CCM2: variants seen among roughly 807,000 people sequenced by gnomAD.
CCM2 encodes the protein CCM2 scaffold protein, also known as cerebral cavernous malformations 2 protein.
Under a neutral mutation model 44.9 loss-of-function variants are expected in CCM2, and 25 were observed. That is an observed-to-expected ratio of 0.56 (90% CI 0.41 to 0.78). CCM2 has a LOEUF of 0.78. Ranked by LOEUF, CCM2 falls within the 30% of genes least tolerant of loss-of-function variation. The probability of loss-of-function intolerance (pLI) is 0.00; values close to 1 mark genes in which losing one functional copy is unlikely to be tolerated. For missense variants in CCM2, 481 were observed against 580.6 expected (o/e 0.83, Z 1.76); for synonymous variants, 219 against 241.1 (o/e 0.91, Z 0.85).
At chr7:45,064,130 GC>G in intron 3 of CCM2, 129 bp downstream of exon 3, 1 of 686,634 alleles carries the variant, frequency 1.5e-6, no homozygotes, top group Non-Finnish European at 2.6e-6. Flanking sequence ...TTGGCTCTTG[GC>G]CATAAAGACT....
chr7:45,075,274 T>A (rs182449606), intron 9 of CCM2, among the ~76,000 whole-genome samples: 2 of 152,392 alleles, frequency 1.3e-5, no homozygotes, highest in Non-Finnish European at 2.9e-5. Context: ...CACACTAGGC[T>A]TCCCAAATAA....
chr7:45,025,963 C>G (rs1375359441), intron 1 of CCM2, among the ~76,000 whole-genome samples: 3 of 152,216 alleles, frequency 2.0e-5, no homozygotes, highest in Non-Finnish European at 4.4e-5. Context: ...GCTTTTCTCT[C>G]TCATGCTGAC....
intron 2 of CCM2, among the ~76,000 whole-genome samples, chr7:45,044,346 C>G (rs1044011294): frequency 5.9e-5 from 9 of 152,170 alleles, no homozygotes; most frequent in Non-Finnish European, 1.3e-4. Flanking sequence ...CCGTGTTGGT[C>G]AGGATGGTCT....
At chr7:45,061,826 A>G (rs1258381838) in intron 2 of CCM2, among the ~76,000 whole-genome samples, 1 of 152,074 alleles carries the variant, frequency 6.6e-6, no homozygotes, top group Admixed American at 6.5e-5. Flanking sequence ...TCCTCCTACC[A>G]GAGTATGAGG....
At chr7:45,056,333 G>C (rs978054815) in intron 2 of CCM2, among the ~76,000 whole-genome samples, 2 of 152,022 alleles carry the variant, frequency 1.3e-5, no homozygotes, top group Admixed American at 1.3e-4. Context: ...CCATATCTTT[G>C]CCAACAATTG....
chr7:45,051,470 T>C (rs1798003716), intron 2 of CCM2, among the ~76,000 whole-genome samples: 1 of 152,308 alleles, frequency 6.6e-6, no homozygotes, highest in East Asian at 1.9e-4. Flanking sequence ...TGGTCTTGGC[T>C]CACTGCAAGC....
At chr7:45,050,255 G>A (rs1002242898) in intron 2 of CCM2, among the ~76,000 whole-genome samples, 5 of 148,410 alleles carry the variant, frequency 3.4e-5, no homozygotes, top group Non-Finnish European at 7.6e-5. Context: ...GGTGTGTAGT[G>A]GGCTATAATG....
intron 1 of CCM2, among the ~76,000 whole-genome samples, chr7:45,010,306 C>G (rs569498045): frequency 1.3e-5 from 2 of 152,168 alleles, no homozygotes; most frequent in Non-Finnish European, 2.9e-5. Flanking sequence ...ATATTACCTA[C>G]CATCACTGAG....
At chr7:45,027,720 C>A (rs376876775) in intron 1 of CCM2, 2 of 1,613,884 alleles carry the variant, frequency 1.2e-6, no homozygotes, top group Non-Finnish European at 1.7e-6. Flanking sequence ...TAGTAGCTGT[C>A]GGCAGAGGAG....
chr7:45,067,410 G>A (rs1798836005), intron 4 of CCM2, among the ~76,000 whole-genome samples: 1 of 148,840 alleles, frequency 6.7e-6, no homozygotes, highest in Non-Finnish European at 1.5e-5. Flanking sequence ...TGATCCACCC[G>A]CCTTGGCCTC....
At chr7:45,033,480 A>G (rs1163525649) in intron 1 of CCM2, among the ~76,000 whole-genome samples, 4 of 152,202 alleles carry the variant, frequency 2.6e-5, no homozygotes, top group Non-Finnish European at 4.4e-5. Context: ...GCTAACAGGC[A>G]GCTTTCAGAA....
rs567898694 is a variant in CCM2, at chr7:45,036,193, G to A, written c.31-2060G>A. On this transcript the variant is annotated intron_variant, in intron 1 of 9. Coordinates refer to ENST00000258781, the MANE Select transcript of CCM2 (RefSeq NM_031443.4). ...ACACAGGGGACAGAGTGACAGAGGC[G>A]TGGTGGCAGCGTTAGTGCACTTCTC... Among the ~76,000 whole-genome samples, 127 of 152,292 alleles carry A rather than the reference G, an allele frequency of 8.3e-4. 1 individual carries two copies. The highest frequency in any genetic ancestry group is 2.8e-3 in the African/African-American group (118 of 41,558).
intron 2 of CCM2, among the ~76,000 whole-genome samples, chr7:45,062,003 T>C (rs1798548744): frequency 6.6e-6 from 1 of 152,254 alleles, no homozygotes; most frequent in Non-Finnish European, 1.5e-5. Context: ...CTGCTGGTGC[T>C]GGCTCTAGGG....
In CCM2 at chr7:45,027,852, C is replaced by T. The variant is rs1796763549; in HGVS notation, c.31-10401C>T. On this transcript the variant is annotated intron_variant, in intron 1 of 9. Transcript: ENST00000258781. ...ATTTAGAATGATGATGGTGTGAGTC[C>T]CTTGTGGGTGGCTTTCATGGCTGCT... 2.0e-5 allele frequency: 32 copies of T among 1,583,844 alleles called. No homozygotes were observed. In the South Asian group the frequency reaches 3.4e-4, roughly 17 times the overall value.
intron 1 of CCM2, 93 bp downstream of exon 1, chr7:45,000,456 G>GGA (rs898425485): frequency 2.9e-6 from 1 of 349,284 alleles, no homozygotes; most frequent in Non-Finnish European, 4.6e-6. Context: ...TTGGGGCCCG[G>GGA]GGGGGGGGGC....
At chr7:45,043,347 T>G (rs1797601589) in intron 2 of CCM2, among the ~76,000 whole-genome samples, 1 of 152,126 alleles carries the variant, frequency 6.6e-6, no homozygotes, top group South Asian at 2.1e-4. Context: ...TTAAAAGAAA[T>G]AACAGACACC....
chr7:45,028,592 G>GTCAA (rs768358868), intron 1 of CCM2, among the ~76,000 whole-genome samples: 47 of 152,226 alleles, frequency 3.1e-4, no homozygotes, highest in Non-Finnish European at 6.0e-4. Flanking sequence ...GGGAGGTGGA[G>GTCAA]GTTGCAGTCA....
Position 45,075,923 on chromosome 7 carries a change from A to G in CCM2, c.1201A>G (p.Asn401Asp), listed in dbSNP as rs920839648. 10 of 1,613,140 alleles carry G rather than the reference A, an allele frequency of 6.2e-6. No homozygotes were observed. The East Asian group carries it at 2.2e-4, about 36-fold the overall frequency. Residue 401 changes from asparagine (N) to aspartate (D), a missense_variant, in exon 10 of 10, where the codon AAT (asparagine) becomes GAT (aspartate). By Grantham distance (23) the Asn-to-Asp change is conservative (BLOSUM62 1). Transcript: ENST00000258781. Reference sequence around the variant, plus strand: ...GAGCACCACATCCAGTTCCACCACCAATGGGAACAGGGCCACGGGCAGCTC... The same window carrying G: ...GAGCACCACATCCAGTTCCACCACCGATGGGAACAGGGCCACGGGCAGCTC... ...ALSTTSSSTT[N>D]GNRATGSSDD... is the part of the protein sequence containing the mutation.
chr7:45,045,793 A>AAAAAC (rs760413623), intron 2 of CCM2, among the ~76,000 whole-genome samples: 21 of 152,342 alleles, frequency 1.4e-4, no homozygotes, highest in East Asian at 3.9e-4. Context: ...TTTGCCTCAA[A>AAAAAC]AAAACAAAAC....
Sources: gnomAD v4.1 joint callset for allele counts (sites outside exome capture counted in the v4.1 genomes callset) on GRCh38, gnomAD v4.1.1 for gene constraint, MANE v1.5 for transcripts, NCBI Gene and HGNC (gene_info 2026-07-23, HGNC 2026-07-21) for gene names.